TXNDC16: variants seen among roughly 807,000 people sequenced by gnomAD.
The protein encoded by TXNDC16 is thioredoxin domain-containing protein 16.
In TXNDC16, 74 loss-of-function variants were observed where a neutral mutation model predicts 85.6. That is an observed-to-expected ratio of 0.86 (90% CI 0.72 to 1.05). The LOEUF (loss-of-function observed/expected upper bound fraction) is 1.05, where lower values mean the gene tolerates loss of function less well. Ranked by LOEUF, TXNDC16 falls within the 50% of genes least tolerant of loss-of-function variation. The pLI is 0.00. For synonymous variants in TXNDC16, 335 were observed against 326.5 expected, an observed-to-expected ratio of 1.03 and a Z score of -0.28; for missense variants, 959 against 947.0, an observed-to-expected ratio of 1.01 and a Z score of -0.17.
chr14:52,541,685 G>C (rs2037834757), intron 4 of TXNDC16, among the ~76,000 whole-genome samples: 1 of 152,128 alleles, frequency 6.6e-6, no homozygotes, highest in Admixed American at 6.5e-5. Flanking sequence ...TACACAGAAA[G>C]TCAGGTAGAC....
At chr14:52,516,254 A>G (rs1286041008) in intron 7 of TXNDC16, among the ~76,000 whole-genome samples, 1 of 152,098 alleles carries the variant, frequency 6.6e-6, no homozygotes, top group African/African-American at 2.4e-5. Context: ...CCCATTATCT[A>G]ACACCTTCCT....
chr14:52,474,601 A>C (rs924679594), intron 14 of TXNDC16, among the ~76,000 whole-genome samples: 2 of 152,108 alleles, frequency 1.3e-5, no homozygotes, highest in Non-Finnish European at 2.9e-5. Flanking sequence ...ACGGTGGTGC[A>C]CACCTGTAAT....
intron 20 of TXNDC16, 131 bp from the exon 21 acceptor site, chr14:52,432,718 C>T: frequency 1.1e-6 from 1 of 897,294 alleles, no homozygotes; most frequent in Non-Finnish European, 1.5e-6. Context: ...CTTATCTAAG[C>T]AAAGCTAGGA....
chr14:52,537,731 G>A (rs1050964409), intron 4 of TXNDC16, 59 bp from the exon 5 acceptor site: 1 of 976,524 alleles, frequency 1.0e-6, no homozygotes, highest in African/African-American at 1.6e-5. Flanking sequence ...TTTCTTGGTT[G>A]GGGAAACAAG....
Position 52,455,367 on chromosome 14 carries a change from T to C in TXNDC16, c.1799A>G (p.Gln600Arg), listed in dbSNP as rs1360338711. 1 of 1,614,022 alleles carries C rather than the reference T, an allele frequency of 6.2e-7. No homozygotes were observed. Among genetic ancestry groups the C allele is most frequent in the Non-Finnish European group, 8.5e-7 (1 of 1,179,912 alleles). ...ATCTGTTATTATTTGAACTATGTCT[T>C]GTGCATGTGTGCTAGCTAGTGGGAT... Reference protein sequence around the residue: ...ESIPLASTHAQDIVQIITDAL... With the variant: ...ESIPLASTHARDIVQIITDAL... Residue 600 changes from glutamine to arginine, a missense_variant, in exon 18 of 21, where the codon CAA becomes CGA. Coordinates refer to ENST00000281741, the MANE Select transcript of TXNDC16 (RefSeq NM_020784.3).
intron 6 of TXNDC16, among the ~76,000 whole-genome samples, chr14:52,532,453 T>C (rs1303528434): frequency 6.6e-6 from 1 of 152,170 alleles, no homozygotes; most frequent in Non-Finnish European, 1.5e-5. Context: ...ATTTTTTTTT[T>C]TGAGACAGAG....
intron 9 of TXNDC16, among the ~76,000 whole-genome samples, chr14:52,492,926 A>G (rs1173280614): frequency 1.3e-5 from 2 of 151,980 alleles, no homozygotes; most frequent in Non-Finnish European, 2.9e-5. Flanking sequence ...ACTTGCAAAG[A>G]CTGATGTTTT....
At chr14:52,467,108 TAAAC>T (rs1215399029) in intron 16 of TXNDC16, among the ~76,000 whole-genome samples, 2 of 151,312 alleles carry the variant, frequency 1.3e-5, no homozygotes, top group African/African-American at 2.4e-5. Context: ...AGAAAACAAT[TAAAC>T]AGACATATAT....
At chr14:52,498,020 C>A (rs1326369869) in intron 9 of TXNDC16, among the ~76,000 whole-genome samples, 2 of 151,994 alleles carry the variant, frequency 1.3e-5, no homozygotes, top group Non-Finnish European at 1.5e-5. Context: ...ATACTGTACA[C>A]CAAATTGACA....
chr14:52,516,628 A>C (rs1409642585), intron 7 of TXNDC16, among the ~76,000 whole-genome samples: 1 of 152,124 alleles, frequency 6.6e-6, no homozygotes, highest in African/African-American at 2.4e-5. Flanking sequence ...TGGCAGCTCA[A>C]ATCCTTCAGT....
intron 14 of TXNDC16, among the ~76,000 whole-genome samples, chr14:52,475,051 G>A (rs2035990034): frequency 6.6e-6 from 1 of 152,200 alleles, no homozygotes; most frequent in Non-Finnish European, 1.5e-5. Flanking sequence ...CACCACCGGG[G>A]AACCTAAAGG....
At chr14:52,509,055 TAAA>T (rs889184349) in intron 9 of TXNDC16, among the ~76,000 whole-genome samples, 1 of 151,256 alleles carries the variant, frequency 6.6e-6, no homozygotes, top group African/African-American at 2.4e-5. Flanking sequence ...TAAAGTATAA[TAAA>T]AAAAACTAAT....
At chr14:52,484,521 C>A (rs533840177) in intron 12 of TXNDC16, among the ~76,000 whole-genome samples, 2 of 152,236 alleles carry the variant, frequency 1.3e-5, no homozygotes, top group South Asian at 2.1e-4. Flanking sequence ...ATTGTAACAT[C>A]GTAGCACAAC....
At chr14:52,537,738 CAAG>C (rs1014612091) in intron 4 of TXNDC16, 66 bp from the exon 5 acceptor site, 8 of 915,328 alleles carry the variant, frequency 8.7e-6, no homozygotes, top group Middle Eastern at 3.1e-4. Flanking sequence ...GTTGGGGAAA[CAAG>C]AAGGAGAATT....
chr14:52,508,552 A>C (rs1266239407), intron 9 of TXNDC16, among the ~76,000 whole-genome samples: 2 of 152,172 alleles, frequency 1.3e-5, no homozygotes, highest in Non-Finnish European at 2.9e-5. Flanking sequence ...TTGACCCAGC[A>C]ATCCCATTAC....
In TXNDC16 at chr14:52,455,387, T is replaced by C. The variant is rs548230762; in HGVS notation, c.1779A>G (p.Pro593=). 3.1e-6 allele frequency: 5 copies of C among 1,614,036 alleles called. No homozygotes were observed. Among genetic ancestry groups the C allele is most frequent in the South Asian group, 1.1e-5 (1 of 91,078 alleles). The change falls in exon 18 of 21, where the codon CCA becomes CCG. Residue 593 remains proline, a synonymous_variant. Coordinates refer to ENST00000281741, the MANE Select transcript of TXNDC16 (RefSeq NM_020784.3). ...TGTCTTGTGCATGTGTGCTAGCTAG[T>C]GGGATGCTCTCTATTTTGCCTTCTG... The part of the protein sequence containing the change: ...RHTEGKIESI[P]LASTHAQDIV...
chr14:52,466,392 C>CAAAAAA, intron 16 of TXNDC16, among the ~76,000 whole-genome samples: 1 of 56,694 alleles, frequency 1.8e-5, no homozygotes, highest in Non-Finnish European at 3.1e-5. Flanking sequence ...GACTCTGTCT[C>CAAAAAA]AAAAAAAAAA....
intron 18 of TXNDC16, among the ~76,000 whole-genome samples, chr14:52,443,416 A>G (rs1184507536): frequency 1.3e-5 from 2 of 152,232 alleles, no homozygotes; most frequent in African/African-American, 2.4e-5. Flanking sequence ...TATCTATCCT[A>G]TTAGTTCTGT....
chr14:52,448,944 A>G (rs1465865550), intron 18 of TXNDC16, among the ~76,000 whole-genome samples: 1 of 152,116 alleles, frequency 6.6e-6, no homozygotes, highest in Non-Finnish European at 1.5e-5. Context: ...TTCAAATCAA[A>G]AAACAAAACA....
Sources: allele counts gnomAD v4.1 joint callset (sites outside exome capture counted in the v4.1 genomes callset), GRCh38; gene constraint gnomAD v4.1.1; transcripts MANE v1.5; gene names NCBI Gene and HGNC (gene_info 2026-07-23, HGNC 2026-07-21).